Variants in ABI3BP observed in about 807,000 individuals in gnomAD.
The protein encoded by ABI3BP is ABI family member 3 binding protein.
In ABI3BP, 216 loss-of-function variants were observed where a neutral mutation model predicts 268.6. The observed-to-expected ratio is 0.80, with a 90% CI of 0.72 to 0.90. The LOEUF is 0.90. Among genes scored for constraint, ABI3BP ranks in the 40% least tolerant of loss-of-function variants. The pLI is 0.00. For missense variants in ABI3BP, 2,090 were observed against 2,182.4 expected (o/e 0.96, Z 0.84); for synonymous variants, 730 against 730.0 (o/e 1.00, Z 0.00).
intron 1 of ABI3BP, among the ~76,000 whole-genome samples, chr3:100,945,023 C>T (rs1441656648): frequency 6.6e-6 from 1 of 152,242 alleles, no homozygotes; most frequent in African/African-American, 2.4e-5. Context: ...CGGCTGTCTT[C>T]TCTAAGCCTC....
intron 51 of ABI3BP, among the ~76,000 whole-genome samples, chr3:100,797,047 T>C (rs958427234): frequency 6.6e-6 from 1 of 152,076 alleles, no homozygotes; most frequent in Admixed American, 6.6e-5. Flanking sequence ...TTAATGATAG[T>C]GCTTGTTACT....
chr3:100,915,249 A>G (rs1182913531), intron 2 of ABI3BP, among the ~76,000 whole-genome samples: 2 of 151,908 alleles, frequency 1.3e-5, no homozygotes, highest in Admixed American at 1.3e-4. Flanking sequence ...AGAAAAGTCA[A>G]TCTCCCTTCC....
At chr3:100,823,396 T>C in intron 37 of ABI3BP, 62 bp downstream of exon 37, 3 of 1,392,176 alleles carry the variant, frequency 2.2e-6, no homozygotes. Flanking sequence ...AAGAAACAAA[T>C]TGAAACTCTA....
chr3:100,840,019 A>G, intron 23 of ABI3BP, 53 bp downstream of exon 23: 2 of 1,447,884 alleles, frequency 1.4e-6, no homozygotes, highest in South Asian at 2.4e-5. Context: ...ATCAAACCAG[A>G]AGCTGCCATA....
Position 100,796,453 on chromosome 3 carries a change from A to C in ABI3BP, c.3773T>G (p.Leu1258Arg), listed in dbSNP as rs374531260. The C allele has an allele frequency of 6.2e-7, 1 of 1,603,566 alleles. No homozygotes were observed. Reference protein sequence around the residue: ...SYTTPAPKDVLLPHKPYPEVS... With the variant: ...SYTTPAPKDVRLPHKPYPEVS... ...CTCAGGGTATGGTTTATGAGGAAGG[A>C]GCACATCTTTTGGAGCTGAAAGAAA... Residue 1258 changes from leucine to arginine, a missense_variant, in exon 52 of 68, where the codon CTC becomes CGC. By Grantham distance (102) the Leu-to-Arg change is moderately radical (BLOSUM62 -2). Coordinates refer to ENST00000471714, the MANE Select transcript of ABI3BP (RefSeq NM_001375547.2).
intron 9 of ABI3BP, among the ~76,000 whole-genome samples, chr3:100,873,189 G>T (rs1341600741): frequency 6.6e-6 from 1 of 152,122 alleles, no homozygotes; most frequent in African/African-American, 2.4e-5. Flanking sequence ...AAACTTTCAG[G>T]TAACACTATT....
At position 100,780,151 on chromosome 3, in the gene ABI3BP, G is replaced by C; in HGVS notation, c.4221C>G (p.Thr1407=). 6.2e-7 allele frequency: 1 copy of C among 1,612,800 alleles called. No individual in the cohort carries two copies. The highest frequency in any genetic ancestry group is 8.5e-7 in the Non-Finnish European group (1 of 1,179,138). ...GADRNVSVDS[T]HPTKKPGTRR... The stretch of plus-strand genomic sequence containing the variant: ...ACTTACCTGGCTTTTTAGTGGGGTG[G>C]GTAGAGTCCACTGATACATTTCTAT... Residue 1407 remains threonine (T), a synonymous_variant, in exon 58 of 68, where the codon ACC becomes ACG. Transcript: ENST00000471714.
chr3:100,873,262 G>T (rs151250398), intron 9 of ABI3BP, among the ~76,000 whole-genome samples: 1 of 152,186 alleles, frequency 6.6e-6, no homozygotes, highest in East Asian at 1.9e-4. Flanking sequence ...TTCTTTTCAG[G>T]TTTTTTTAAA....
At chr3:100,775,658 T>G (rs1301220022) in intron 59 of ABI3BP, among the ~76,000 whole-genome samples, 1 of 152,114 alleles carries the variant, frequency 6.6e-6, no homozygotes, top group African/African-American at 2.4e-5. Flanking sequence ...ACAGAGGATG[T>G]GCCAATAGAG....
In ABI3BP at chr3:100,832,176, C is replaced by A. The variant is rs960020969; in HGVS notation, c.2401+88G>T. 3.1e-6 allele frequency: 4 copies of A among 1,304,114 alleles called. No individual in the cohort carries two copies. The African/African-American group carries it at 5.9e-5, about 19-fold the overall frequency. 80.8% of individuals were successfully genotyped at this position (1,304,114 alleles called of 1,614,324 possible). ...TTACTCTTAAGAGATATATAGGGCA[C>A]AACACAATAGATTATATGTACATAG... On this transcript the variant is annotated intron_variant, in intron 31 of 67. Transcript: ENST00000471714.
intron 34 of ABI3BP, among the ~76,000 whole-genome samples, chr3:100,826,645 T>C (rs1253267056): frequency 6.6e-6 from 1 of 152,314 alleles, no homozygotes; most frequent in African/African-American, 2.4e-5. Context: ...AATATCCAAA[T>C]GGTCATCACA....
In ABI3BP at chr3:100,833,011, G is replaced by A; in HGVS notation, c.2314+114C>T. Reference sequence around the variant, plus strand: ...AAGCAAGCTTTCCATATTTTGAGATGAATACTGTAATGAGATGACAACAAA... The same window carrying A: ...AAGCAAGCTTTCCATATTTTGAGATAAATACTGTAATGAGATGACAACAAA... On this transcript the variant is annotated intron_variant, in intron 30 of 67. Transcript: ENST00000471714. 4.5e-6 allele frequency: 4 copies of A among 880,536 alleles called. No homozygotes were observed. In the African/African-American group the frequency reaches 5.2e-5, roughly 11 times the overall value. 54.5% of individuals were successfully genotyped at this position (880,536 alleles called of 1,614,324 possible).
chr3:100,938,278 A>C (rs939789048), intron 1 of ABI3BP, among the ~76,000 whole-genome samples: 8 of 150,346 alleles, frequency 5.3e-5, no homozygotes, highest in Admixed American at 4.7e-4. Context: ...AAACCTGCAC[A>C]TGTACCCCTG....
chr3:100,811,388 A>G, intron 47 of ABI3BP, 111 bp from the exon 48 acceptor site: 1 of 789,510 alleles, frequency 1.3e-6, no homozygotes, highest in East Asian at 2.7e-5. Flanking sequence ...TACAGACAGG[A>G]CAATGGATTT....
chr3:100,972,398 C>T (rs1032944530), intron 1 of ABI3BP, among the ~76,000 whole-genome samples: 1 of 152,136 alleles, frequency 6.6e-6, no homozygotes, highest in African/African-American at 2.4e-5. Flanking sequence ...AGTTTAAAAA[C>T]GGTCCTACAG....
intron 12 of ABI3BP, 69 bp from the exon 13 acceptor site, chr3:100,862,978 A>T (rs1288971614): frequency 8.1e-7 from 1 of 1,237,504 alleles, no homozygotes; most frequent in African/African-American, 1.5e-5. Context: ...TTAAAATTTT[A>T]AGCTTGCAAA....
intron 3 of ABI3BP, among the ~76,000 whole-genome samples, chr3:100,901,784 GAA>G (rs1487103853): frequency 6.7e-6 from 1 of 149,736 alleles, no homozygotes; most frequent in African/African-American, 2.5e-5. Flanking sequence ...AAAAAAAAAA[GAA>G]AAGCAAAATT....
At chr3:100,860,195 G>A (rs1156822068) in intron 14 of ABI3BP, among the ~76,000 whole-genome samples, 4 of 152,204 alleles carry the variant, frequency 2.6e-5, no homozygotes, top group East Asian at 1.9e-4. Context: ...ACAAGTTCCC[G>A]GGTGATGCCA....
At chr3:100,919,259 A>G (rs912841107) in intron 2 of ABI3BP, among the ~76,000 whole-genome samples, 3 of 152,134 alleles carry the variant, frequency 2.0e-5, no homozygotes, top group African/African-American at 4.8e-5. Context: ...CAATGAATGC[A>G]TAATCACTTA....
Sources: gnomAD v4.1 joint callset for allele counts (sites outside exome capture counted in the v4.1 genomes callset) on GRCh38, gnomAD v4.1.1 for gene constraint, MANE v1.5 for transcripts, NCBI Gene and HGNC (gene_info 2026-07-23, HGNC 2026-07-21) for gene names.